KCNQ5: variants seen among roughly 807,000 people sequenced by gnomAD.
KCNQ5 encodes the protein potassium voltage-gated channel subfamily Q member 5.
In KCNQ5, 30 loss-of-function variants were observed where a neutral mutation model predicts 98.2. The observed-to-expected ratio is 0.31, with a 90% CI of 0.23 to 0.41. The LOEUF (loss-of-function observed/expected upper bound fraction) is 0.41, where lower values mean the gene tolerates loss of function less well. KCNQ5 is among the 10% of genes least tolerant of loss of function. KCNQ5 has a pLI of 1.00. For synonymous variants in KCNQ5, 458 were observed against 449.4 expected (o/e 1.02, Z -0.24); for missense variants, 835 against 1,182.5 (o/e 0.71, Z 4.31).
At chr6:73,023,737 G>A (rs1269628123) in intron 2 of KCNQ5, among the ~76,000 whole-genome samples, 1 of 152,132 alleles carries the variant, frequency 6.6e-6, no homozygotes, top group African/African-American at 2.4e-5. Context: ...CCAAAGTCCT[G>A]GTGCTCTGGG....
chr6:72,853,410 C>T (rs1024932143), intron 1 of KCNQ5, among the ~76,000 whole-genome samples: 14 of 151,990 alleles, frequency 9.2e-5, no homozygotes, highest in Non-Finnish European at 1.3e-4. Context: ...GTGGTGCCAT[C>T]GCAGCTCACT....
Position 72,987,651 on chromosome 6 carries a change from G to C in KCNQ5, c.399-16257G>C, listed in dbSNP as rs772517625. 330 of 614,082 alleles carry C rather than the reference G, an allele frequency of 5.4e-4. 1 individual carries two copies. The highest frequency in any genetic ancestry group is 1.3e-3 in the Admixed American group (56 of 42,148). The allele number at this position is 614,082 out of a possible 1,614,324, so 38.0% of individuals were successfully genotyped here. On this transcript the variant is annotated intron_variant, in intron 1 of 13. Coordinates refer to ENST00000370398, the MANE Select transcript of KCNQ5 (RefSeq NM_019842.4). ...AGGACTGTGACCGGGCCATGAGCTG[G>C]AAGTACAGCCGCGGAGCCCGTCTCT... is the stretch of plus-strand genomic sequence containing the variant.
chr6:72,643,614 C>G (rs1210030490), intron 1 of KCNQ5, among the ~76,000 whole-genome samples: 1 of 151,990 alleles, frequency 6.6e-6, no homozygotes, highest in East Asian at 1.9e-4. Context: ...TAGGGATGCT[C>G]AAACAGTAAG....
chr6:72,978,885 T>C (rs1403903908), intron 1 of KCNQ5, among the ~76,000 whole-genome samples: 2 of 152,152 alleles, frequency 1.3e-5, no homozygotes, highest in African/African-American at 2.4e-5. Flanking sequence ...TGTCCAAGTG[T>C]TCTCATTGTT....
chr6:73,193,464 AAAAATAAAAT>A (rs397976608), intron 13 of KCNQ5, among the ~76,000 whole-genome samples: 368 of 126,732 alleles, frequency 2.9e-3, no homozygotes, highest in South Asian at 4.7e-3. Flanking sequence ...TGTCTCTACT[AAAAATAAAAT>A]AAAATAAAAT....
intron 1 of KCNQ5, among the ~76,000 whole-genome samples, chr6:72,672,118 ATTT>A (rs1186332695): frequency 1.6e-5 from 2 of 121,502 alleles, no homozygotes; most frequent in Non-Finnish European, 1.7e-5. Context: ...GCCTGGCCTA[ATTT>A]TTTTTTTTTT....
At chr6:72,708,938 T>A (rs1267569540) in intron 1 of KCNQ5, among the ~76,000 whole-genome samples, 1 of 152,208 alleles carries the variant, frequency 6.6e-6, no homozygotes, top group East Asian at 1.9e-4. Context: ...TACCATGATA[T>A]GGTGGAAGAG....
chr6:73,038,411 T>C (rs1195630742), intron 2 of KCNQ5, among the ~76,000 whole-genome samples: 2 of 152,100 alleles, frequency 1.3e-5, no homozygotes, highest in Non-Finnish European at 2.9e-5. Flanking sequence ...CAATACTATG[T>C]TGAATAAGAG....
chr6:73,070,610 G>T (rs1034466393), intron 3 of KCNQ5, among the ~76,000 whole-genome samples: 1 of 152,134 alleles, frequency 6.6e-6, no homozygotes, highest in Non-Finnish European at 1.5e-5. Flanking sequence ...GCTGACAAAA[G>T]CACTGCCATC....
At chr6:72,985,164 C>A (rs954861307) in intron 1 of KCNQ5, among the ~76,000 whole-genome samples, 8 of 152,280 alleles carry the variant, frequency 5.3e-5, no homozygotes, top group African/African-American at 1.4e-4. Context: ...TATGATCTGG[C>A]CACTGTACAC....
At chr6:72,957,626 T>C (rs1268877430) in intron 1 of KCNQ5, among the ~76,000 whole-genome samples, 1 of 152,142 alleles carries the variant, frequency 6.6e-6, no homozygotes, top group Non-Finnish European at 1.5e-5. Flanking sequence ...GTCAGGGTGA[T>C]CTCCCTGTTT....
intron 7 of KCNQ5, among the ~76,000 whole-genome samples, chr6:73,113,759 C>T (rs1270649488): frequency 1.3e-5 from 2 of 152,264 alleles, no homozygotes; most frequent in African/African-American, 2.4e-5. Flanking sequence ...GGCAAGGCCT[C>T]CCTCACAGGT....
chr6:72,720,193 C>T (rs902684568), intron 1 of KCNQ5, among the ~76,000 whole-genome samples: 8 of 152,134 alleles, frequency 5.3e-5, no homozygotes, highest in Admixed American at 2.0e-4. Flanking sequence ...GTATCATCTC[C>T]GTTGCTTTTT....
At chr6:73,123,661 A>T (rs1036465953) in intron 8 of KCNQ5, among the ~76,000 whole-genome samples, 1 of 152,196 alleles carries the variant, frequency 6.6e-6, no homozygotes, top group Non-Finnish European at 1.5e-5. Flanking sequence ...TTTTCTCCTC[A>T]AAGAGAGTGA....
At chr6:72,973,438 G>C (rs567109631) in intron 1 of KCNQ5, among the ~76,000 whole-genome samples, 1 of 151,972 alleles carries the variant, frequency 6.6e-6, no homozygotes, top group Non-Finnish European at 1.5e-5. Flanking sequence ...AAAGGATTTT[G>C]TAGAAATCCT....
chr6:72,838,810 C>CATA (rs1554169456), intron 1 of KCNQ5, among the ~76,000 whole-genome samples: 1 of 150,668 alleles, frequency 6.6e-6, no homozygotes, highest in Non-Finnish European at 1.5e-5. Context: ...ATTAGCCGGG[C>CATA]GTGGTAGCGG....
At chr6:72,890,011 CAAG>C (rs1356728802) in intron 1 of KCNQ5, among the ~76,000 whole-genome samples, 1 of 152,122 alleles carries the variant, frequency 6.6e-6, no homozygotes, top group Admixed American at 6.5e-5. Flanking sequence ...CCCAGCCTCC[CAAG>C]AAGATGTCTA....
In KCNQ5 at chr6:73,063,686, T is replaced by TGATAGATA. The variant is rs1554203586; in HGVS notation, c.617-13608_617-13601dup. Among the ~76,000 whole-genome samples, 449 of 93,184 alleles carry TGATAGATA rather than the reference T, an allele frequency of 4.8e-3. 13 individuals are homozygous for TGATAGATA. Among genetic ancestry groups the TGATAGATA allele is most frequent in the African/African-American group, 0.016 (413 of 25,126 alleles). 61.1% of individuals were successfully genotyped at this position (93,184 alleles called of 152,430 possible). ...GATAGATGATAGATAGATAGATAGATGATAGATAGATAGATAGATAGATAG... is the reference window on the plus strand; with the variant it reads ...GATAGATGATAGATAGATAGATAGATGATAGATAGATAGATAGATAGATAGATAGATAG... On this transcript the variant is annotated intron_variant, in intron 3 of 13. Transcript: ENST00000370398.
At chr6:73,155,047 A>G (rs535761832) in intron 10 of KCNQ5, among the ~76,000 whole-genome samples, 1 of 152,296 alleles carries the variant, frequency 6.6e-6, no homozygotes, top group South Asian at 2.1e-4. Context: ...CTGAGAAGAC[A>G]TAGGCATACA....
Sources: gnomAD v4.1 joint callset for allele counts (sites outside exome capture counted in the v4.1 genomes callset) on GRCh38, gnomAD v4.1.1 for gene constraint, MANE v1.5 for transcripts, NCBI Gene and HGNC (gene_info 2026-07-23, HGNC 2026-07-21) for gene names.